Variants in CAST observed in about 807,000 individuals in gnomAD.
CAST encodes the protein MIR583 host.
In CAST, 76 loss-of-function variants were observed where a neutral mutation model predicts 119.6. That is an observed-to-expected ratio of 0.64 (90% CI 0.53 to 0.77). CAST has a LOEUF of 0.77. CAST is among the 30% of genes least tolerant of loss of function. The pLI, the probability that CAST is intolerant of heterozygous loss-of-function variation, is 0.00. For synonymous variants in CAST, 319 were observed against 331.6 expected, an observed-to-expected ratio of 0.96 and a Z score of 0.41; for missense variants, 953 against 946.5, an observed-to-expected ratio of 1.01 and a Z score of -0.09.
intron 1 of CAST, among the ~76,000 whole-genome samples, chr5:96,555,696 C>T (rs1008155543): frequency 3.4e-4 from 51 of 151,972 alleles, no homozygotes; most frequent in African/African-American, 1.0e-3. Context: ...CCGCCATTGC[C>T]GAGGCTTGAG....
the CAST span, among the ~76,000 whole-genome samples, chr5:96,479,184 G>C: frequency 5.9e-5 from 9 of 152,108 alleles, no homozygotes; most frequent in African/African-American, 2.2e-4. Flanking sequence ...CACGGCACTT[G>C]GACACTCATC....
chr5:96,434,866 A>G, the CAST span, among the ~76,000 whole-genome samples: 40 of 152,228 alleles, frequency 2.6e-4, no homozygotes, highest in Non-Finnish European at 3.2e-4. Context: ...AACATAAAGC[A>G]TCTTTACAAA....
At chr5:96,626,529 G>A (rs992514197) in intron 1 of CAST, among the ~76,000 whole-genome samples, 4 of 152,124 alleles carry the variant, frequency 2.6e-5, no homozygotes, top group African/African-American at 9.7e-5. Context: ...CCTCCTGGCA[G>A]TGTCAGTGTC....
At chr5:96,573,639 C>CAA (rs61542820) in intron 1 of CAST, among the ~76,000 whole-genome samples, 1,840 of 149,850 alleles carry the variant, frequency 0.012, 19 homozygotes, top group Non-Finnish European at 0.02. Context: ...CACCCTGTCT[C>CAA]AAAAAAAAAA....
At chr5:96,083,570 T>G in the CAST span, among the ~76,000 whole-genome samples, 1 of 152,232 alleles carries the variant, frequency 6.6e-6, no homozygotes, top group African/African-American at 2.4e-5. Flanking sequence ...TTAACATGTC[T>G]ATTTTAGGCC....
At chr5:96,254,586 A>C in the CAST span, among the ~76,000 whole-genome samples, 1 of 152,022 alleles carries the variant, frequency 6.6e-6, no homozygotes, top group South Asian at 2.1e-4. Context: ...AGTGGTTCCT[A>C]TATTCAGGAG....
chr5:96,561,503 A>T (rs1746360351), intron 1 of CAST, among the ~76,000 whole-genome samples: 1 of 150,230 alleles, frequency 6.7e-6, no homozygotes, highest in Admixed American at 6.6e-5. Context: ...TCATAATGAG[A>T]GTTGAACAAT....
At chr5:96,402,272 C>T in the CAST span, among the ~76,000 whole-genome samples, 4 of 152,224 alleles carry the variant, frequency 2.6e-5, no homozygotes, top group South Asian at 2.1e-4. Context: ...GCACGACACA[C>T]GGGGAAGCTG....
At chr5:96,306,324 G>T in the CAST span, among the ~76,000 whole-genome samples, 1 of 152,006 alleles carries the variant, frequency 6.6e-6, no homozygotes, top group Non-Finnish European at 1.5e-5. Flanking sequence ...GTGTCTATTT[G>T]ATTTTTCTCT....
chr5:95,998,949 G>A, the CAST span, among the ~76,000 whole-genome samples: 1 of 152,038 alleles, frequency 6.6e-6, no homozygotes, highest in Non-Finnish European at 1.5e-5. Flanking sequence ...ATTCTGACAG[G>A]TATAAGATGG....
the CAST span, among the ~76,000 whole-genome samples, chr5:96,109,952 A>T: frequency 6.6e-6 from 1 of 152,182 alleles, no homozygotes; most frequent in Non-Finnish European, 1.5e-5. Context: ...AAGAAAAAAA[A>T]TAAAGCACCG....
At chr5:96,385,019 A>G in the CAST span, among the ~76,000 whole-genome samples, 3 of 152,224 alleles carry the variant, frequency 2.0e-5, no homozygotes, top group Non-Finnish European at 4.4e-5. Context: ...AAGAAGACAC[A>G]TTAACATCAA....
the CAST span, among the ~76,000 whole-genome samples, chr5:96,373,036 A>G: frequency 6.6e-6 from 1 of 152,144 alleles, no homozygotes; most frequent in Non-Finnish European, 1.5e-5. Context: ...TTTCTTTCTA[A>G]TGAAAGAATC....
At chr5:96,173,629 C>T in the CAST span, among the ~76,000 whole-genome samples, 72 of 152,206 alleles carry the variant, frequency 4.7e-4, no homozygotes, top group African/African-American at 1.7e-3. Flanking sequence ...TACATTATAT[C>T]GAGGTTTTCT....
At chr5:95,993,515 C>T in the CAST span, among the ~76,000 whole-genome samples, 188 of 152,188 alleles carry the variant, frequency 1.2e-3, no homozygotes, top group African/African-American at 4.4e-3. Flanking sequence ...GATAAACCTC[C>T]CACAATGCAC....
the CAST span, among the ~76,000 whole-genome samples, chr5:96,007,549 G>C: frequency 7.9e-5 from 12 of 152,264 alleles, no homozygotes; most frequent in South Asian, 1.9e-3. Context: ...GAGGTAATTA[G>C]GTTTAGATGA....
the CAST span, among the ~76,000 whole-genome samples, chr5:96,267,693 GA>G: frequency 2.7e-5 from 4 of 150,806 alleles, no homozygotes; most frequent in South Asian, 2.1e-4. Context: ...TTCAATCTGA[GA>G]AAAAAAAATC....
chr5:96,503,122 C>T, the CAST span, among the ~76,000 whole-genome samples: 2 of 152,166 alleles, frequency 1.3e-5, no homozygotes, highest in South Asian at 2.1e-4. Flanking sequence ...TACTGTAATA[C>T]CTTTCAATCT....
the CAST span, among the ~76,000 whole-genome samples, chr5:96,259,070 A>G: frequency 6.6e-6 from 1 of 152,236 alleles, no homozygotes; most frequent in African/African-American, 2.4e-5. Context: ...ATGAGTAAAA[A>G]CAGAGGAAGG....
Sources: allele counts gnomAD v4.1 joint callset (sites outside exome capture counted in the v4.1 genomes callset), GRCh38; gene constraint gnomAD v4.1.1; transcripts MANE v1.5; gene names NCBI Gene and HGNC (gene_info 2026-07-23, HGNC 2026-07-21).